The following STXBP5L variants were observed in gnomAD, a reference collection of about 807,000 sequenced individuals.
The protein encoded by STXBP5L is syntaxin binding protein 5L.
Under a neutral mutation model 144.5 loss-of-function variants are expected in STXBP5L, and 65 were observed. That is an observed-to-expected ratio of 0.45 (90% CI 0.37 to 0.55). The LOEUF is 0.55. STXBP5L is among the 20% of genes least tolerant of loss of function. STXBP5L has a pLI of 0.00. For synonymous variants in STXBP5L, 505 were observed against 469.6 expected, an observed-to-expected ratio of 1.08 and a Z score of -0.97; for missense variants, 1,298 against 1,405.5, an observed-to-expected ratio of 0.92 and a Z score of 1.22.
rs2047323193 is a variant in STXBP5L, at chr3:121,420,036, A to G, written c.*939A>G. ...TAAAGTGATATATTTTAAAAGCTTC[A>G]TTTGTATCCTTGTCTGCCAGTTACA... On this transcript the variant is annotated 3_prime_UTR_variant, in exon 27 of 27. Coordinates refer to ENST00000471454, the MANE Select transcript of STXBP5L (RefSeq NM_001308330.2). The G allele has an allele frequency of 2.0e-5, 3 of 152,196 alleles. 1 individual carries two copies. In the South Asian group the frequency reaches 6.2e-4, roughly 31 times the overall value. The allele number at this position is 152,196 out of a possible 1,614,324, so 9.4% of individuals were successfully genotyped here. A position where few individuals can be genotyped will look rare whatever the true frequency, so the allele number is the denominator to read the frequency against.
chr3:121,362,664 A>G (rs1437324392), intron 20 of STXBP5L, among the ~76,000 whole-genome samples: 1 of 152,044 alleles, frequency 6.6e-6, no homozygotes, highest in Non-Finnish European at 1.5e-5. Context: ...AGGTCTAGAA[A>G]TGCCATCTAA....
chr3:121,237,746 C>G (rs2049528525), intron 12 of STXBP5L, among the ~76,000 whole-genome samples: 1 of 152,126 alleles, frequency 6.6e-6, no homozygotes, highest in African/African-American at 2.4e-5. Context: ...GAGCACTTTG[C>G]TGCTTAGAAT....
At chr3:121,283,672 A>G (rs2051134427) in intron 19 of STXBP5L, among the ~76,000 whole-genome samples, 1 of 152,028 alleles carries the variant, frequency 6.6e-6, no homozygotes, top group Admixed American at 6.6e-5. Flanking sequence ...AACAGAAACT[A>G]TATGCCCACA....
chr3:121,318,628 T>C, intron 20 of STXBP5L, 88 bp downstream of exon 20: 2 of 1,000,566 alleles, frequency 2.0e-6, no homozygotes, highest in Non-Finnish European at 2.8e-6. Flanking sequence ...ATGTGAAATT[T>C]ATAATTTTAG....
chr3:121,210,225 A>G (rs1433449015), intron 10 of STXBP5L, among the ~76,000 whole-genome samples: 1 of 152,150 alleles, frequency 6.6e-6, no homozygotes, highest in Non-Finnish European at 1.5e-5. Context: ...GGCTGCATAA[A>G]TGTCTTCTTT....
chr3:121,396,888 C>A (rs1331253537), intron 22 of STXBP5L, among the ~76,000 whole-genome samples: 1 of 152,190 alleles, frequency 6.6e-6, no homozygotes, highest in Non-Finnish European at 1.5e-5. Context: ...TAAATAAAGT[C>A]ATCGGTTGTT....
At chr3:121,274,914 A>C (rs2050835797) in intron 18 of STXBP5L, among the ~76,000 whole-genome samples, 1 of 152,214 alleles carries the variant, frequency 6.6e-6, no homozygotes, top group Non-Finnish European at 1.5e-5. Context: ...CTGAAGCCCC[A>C]GTGAAAGTAG....
rs377239930 is a variant in STXBP5L at position 121,050,813 on chromosome 3, T to C, written c.470+5278T>C. ...GCAAATTGGATAAAGAGTCAAGACC[T>C]ATCAGTGTGCTGTATTCAGGAAACC... On this transcript the variant is annotated intron_variant, in intron 5 of 26. Transcript: ENST00000471454. Among the ~76,000 whole-genome samples the C allele has an allele frequency of 6.6e-3, 994 of 151,746 alleles. 3 individuals carry two copies. Among genetic ancestry groups the C allele is most frequent in the Middle Eastern group, 0.024 (7 of 294 alleles).
At chr3:121,050,035 C>T (rs1267611353) in intron 5 of STXBP5L, among the ~76,000 whole-genome samples, 3 of 152,146 alleles carry the variant, frequency 2.0e-5, no homozygotes, top group Non-Finnish European at 4.4e-5. Flanking sequence ...ACTCCTCTGG[C>T]TCCATGCCAC....
chr3:121,302,481 T>C (rs889653082), intron 19 of STXBP5L, among the ~76,000 whole-genome samples: 2 of 152,236 alleles, frequency 1.3e-5, no homozygotes, highest in African/African-American at 4.8e-5. Flanking sequence ...TTGTTGATCT[T>C]TTCCAAAAAC....
chr3:120,968,668 T>A (rs1024627915), intron 3 of STXBP5L, among the ~76,000 whole-genome samples: 3 of 152,172 alleles, frequency 2.0e-5, no homozygotes, highest in Non-Finnish European at 4.4e-5. Context: ...GTGCACCTGT[T>A]ACCTGAGCAT....
intron 23 of STXBP5L, among the ~76,000 whole-genome samples, chr3:121,409,329 G>C (rs1362976116): frequency 6.6e-6 from 1 of 151,830 alleles, no homozygotes; most frequent in Non-Finnish European, 1.5e-5. Context: ...TAAATAAAAA[G>C]AGAAGAATAT....
At chr3:121,062,654 T>A (rs2041341326) in intron 5 of STXBP5L, among the ~76,000 whole-genome samples, 1 of 152,260 alleles carries the variant, frequency 6.6e-6, no homozygotes. Context: ...CAGTTAAACA[T>A]AGGTTAGGTC....
intron 3 of STXBP5L, among the ~76,000 whole-genome samples, chr3:121,014,676 G>A (rs1032801793): frequency 6.6e-6 from 1 of 151,534 alleles, no homozygotes; most frequent in Non-Finnish European, 1.5e-5. Flanking sequence ...CCAAAATAGG[G>A]GTACAATTTT....
At chr3:121,064,327 A>C (rs1347930560) in intron 5 of STXBP5L, among the ~76,000 whole-genome samples, 1 of 152,196 alleles carries the variant, frequency 6.6e-6, no homozygotes, top group Admixed American at 6.5e-5. Context: ...TCCCAGTGAG[A>C]TGAGCTGAGT....
intron 9 of STXBP5L, among the ~76,000 whole-genome samples, chr3:121,161,465 G>C (rs940843371): frequency 5.3e-5 from 8 of 151,698 alleles, no homozygotes; most frequent in Non-Finnish European, 1.2e-4. Flanking sequence ...ATTTTGCGGG[G>C]TATCTTTTAT....
chr3:121,098,844 C>T (rs2043269422), intron 5 of STXBP5L, among the ~76,000 whole-genome samples: 2 of 152,092 alleles, frequency 1.3e-5, no homozygotes, highest in African/African-American at 4.8e-5. Flanking sequence ...TTACTCCCTT[C>T]AAAAGCCTCC....
chr3:121,097,804 T>G (rs2043206390), intron 5 of STXBP5L, among the ~76,000 whole-genome samples: 1 of 152,206 alleles, frequency 6.6e-6, no homozygotes, highest in Non-Finnish European at 1.5e-5. Context: ...TTTTTTAAGC[T>G]TGTTGCATAT....
intron 9 of STXBP5L, among the ~76,000 whole-genome samples, chr3:121,187,655 A>C (rs371055408): frequency 6.6e-6 from 1 of 152,122 alleles, no homozygotes; most frequent in East Asian, 1.9e-4. Context: ...ATAATCAGCT[A>C]GCATCATAAA....
Sources: allele counts gnomAD v4.1 joint callset (sites outside exome capture counted in the v4.1 genomes callset), GRCh38; gene constraint gnomAD v4.1.1; transcripts MANE v1.5; gene names NCBI Gene and HGNC (gene_info 2026-07-23, HGNC 2026-07-21).